Variants in PPP1R13B observed in about 807,000 individuals in gnomAD.
PPP1R13B encodes the protein protein phosphatase 1 regulatory subunit 13B.
PPP1R13B carries 44 observed loss-of-function variants against 119.8 expected under a neutral mutation model. The ratio of observed to expected loss-of-function variants is 0.37; its 90% CI spans 0.29 to 0.47. The LOEUF (loss-of-function observed/expected upper bound fraction) is 0.47, where lower values mean the gene tolerates loss of function less well. PPP1R13B is among the 20% of genes least tolerant of loss of function. The pLI is 0.99. For synonymous variants in PPP1R13B, 542 were observed against 561.5 expected (o/e 0.97, Z 0.49); for missense variants, 1,227 against 1,413.5 (o/e 0.87, Z 2.12).
In PPP1R13B at chr14:103,735,209, G is replaced by A. The variant is rs748662115; in HGVS notation, c.3232-14C>T. 9.4e-5 allele frequency: 152 copies of A among 1,613,784 alleles called. No homozygotes were observed. Among genetic ancestry groups the A allele is most frequent in the Non-Finnish European group, 1.2e-4 (146 of 1,180,006 alleles). ...CCGTGGATACAGCTGGGAAGCAACG[G>A]AGCCGCGTCAGGACAGGAAGCCACA... is the stretch of plus-strand genomic sequence containing the variant. On this transcript the variant is annotated splice_polypyrimidine_tract_variant and intron_variant, in intron 16 of 16. Transcript: ENST00000202556.
intron 1 of PPP1R13B, among the ~76,000 whole-genome samples, chr14:103,819,537 A>G (rs1013943911): frequency 1.3e-4 from 20 of 152,168 alleles, no homozygotes; most frequent in African/African-American, 4.8e-4. Flanking sequence ...AACAACAAAA[A>G]GAAATGAAAC....
At chr14:103,812,314 T>C (rs1288797285) in intron 1 of PPP1R13B, among the ~76,000 whole-genome samples, 1 of 151,598 alleles carries the variant, frequency 6.6e-6, no homozygotes, top group Non-Finnish European at 1.5e-5. Context: ...TTAGTAGAGA[T>C]GGGGTTTCAC....
chr14:103,816,192 C>T (rs2086275709), intron 1 of PPP1R13B, among the ~76,000 whole-genome samples: 1 of 150,010 alleles, frequency 6.7e-6, no homozygotes, highest in Non-Finnish European at 1.5e-5. Context: ...ACAAGAGTCT[C>T]ACTCTGTTGC....
At position 103,740,166 on chromosome 14, in the gene PPP1R13B, G is replaced by T; in HGVS notation, c.2250C>A (p.Asp750Glu). Reference sequence around the variant, plus strand: ...CCACATCGGCCAAGGTGCCCATGAAGTCCTGGGAGGGGCTGGGCTGGTAGA... The same window carrying T: ...CCACATCGGCCAAGGTGCCCATGAATTCCTGGGAGGGGCTGGGCTGGTAGA... ...TPFYQPSPSQ[D>E]FMGTLADVDN... Residue 750 changes from aspartate to glutamate, a missense_variant, in exon 12 of 17, where the codon GAC becomes GAA. Transcript: ENST00000202556. The surrounding 1 kb of genome is among the most constrained non-coding windows in gnomAD (Gnocchi z 4.6). 1 of 1,613,750 alleles carries T rather than the reference G, an allele frequency of 6.2e-7. No individual in the cohort carries two copies. Among genetic ancestry groups the T allele is most frequent in the South Asian group, 1.1e-5 (1 of 91,086 alleles).
chr14:103,835,234 T>C (rs895890436), intron 1 of PPP1R13B, among the ~76,000 whole-genome samples: 4 of 152,100 alleles, frequency 2.6e-5, no homozygotes, highest in African/African-American at 9.7e-5. Context: ...GCGATCCTCC[T>C]ACCTTGGCCT....
chr14:103,773,360 G>A (rs876002), intron 4 of PPP1R13B, among the ~76,000 whole-genome samples: 67,752 of 152,024 alleles, frequency 0.45, 15,600 homozygotes, highest in African/African-American at 0.56. Flanking sequence ...ATGTTCCAGA[G>A]CTGTTGACAG....
At chr14:103,778,928 C>A in intron 3 of PPP1R13B, 107 bp from the exon 4 acceptor site, 1 of 856,412 alleles carries the variant, frequency 1.2e-6, no homozygotes, top group Non-Finnish European at 1.9e-6. Flanking sequence ...GTGTAAAATA[C>A]CAGGCTGAGA....
rs138781841 is a variant in PPP1R13B, at chr14:103,759,573, T to G, written c.355-1822A>C. On this transcript the variant is annotated intron_variant, in intron 4 of 16. Transcript: ENST00000202556. ...CTCCCACCTAGGCCTCCCAAAGCGC[T>G]GGGATTACAGGTGTAAGCCACTGTG... Among the ~76,000 whole-genome samples the G allele has an allele frequency of 2.5e-3, 374 of 152,202 alleles. 3 individuals carry two copies. Among genetic ancestry groups the G allele is most frequent in the African/African-American group, 7.7e-3 (318 of 41,528 alleles).
Position 103,789,865 on chromosome 14 carries a change from G to C in PPP1R13B, c.158-4951C>G, listed in dbSNP as rs2085572933. 2.0e-5 allele frequency among the ~76,000 whole-genome samples: 3 copies of C among 152,018 alleles called. No homozygotes were observed. In the South Asian group the frequency reaches 6.2e-4, roughly 32 times the overall value. ...TGTCTTCCTGCTTTATATTGTATTA[G>C]TGTTTATGTCTTAACAAACATGTCT... On this transcript the variant is annotated intron_variant, in intron 2 of 16. Coordinates refer to ENST00000202556, the MANE Select transcript of PPP1R13B (RefSeq NM_015316.3).
Position 103,835,889 on chromosome 14 carries a change from T to G in PPP1R13B, c.9+11410A>C, listed in dbSNP as rs574213643. ...CTCCCAAAGTGCGGGATTACAGGCG[T>G]GAGCCACTGTGCCTGGCCTTTAATT... On this transcript the variant is annotated intron_variant, in intron 1 of 16. Transcript: ENST00000202556. 2.8e-4 allele frequency among the ~76,000 whole-genome samples: 43 copies of G among 151,956 alleles called. 1 individual carries two copies. The South Asian group carries it at 2.9e-3, about 10-fold the overall frequency.
intron 5 of PPP1R13B, among the ~76,000 whole-genome samples, chr14:103,757,076 T>TA (rs55880286): frequency 1.3e-5 from 2 of 150,250 alleles, no homozygotes; most frequent in East Asian, 3.9e-4. Flanking sequence ...TTTTTTTTTT[T>TA]AATACAGGGT....
intron 1 of PPP1R13B, among the ~76,000 whole-genome samples, chr14:103,801,946 C>T (rs2085910291): frequency 6.6e-6 from 1 of 152,150 alleles, no homozygotes; most frequent in Admixed American, 6.5e-5. Flanking sequence ...GCTCACTAAC[C>T]TGTAAGAAGA....
chr14:103,833,287 CAT>C (rs1262504005), intron 1 of PPP1R13B, among the ~76,000 whole-genome samples: 1 of 152,160 alleles, frequency 6.6e-6, no homozygotes, highest in Non-Finnish European at 1.5e-5. Context: ...CCTTTGGCCT[CAT>C]ATCCTAGGCA....
intron 1 of PPP1R13B, among the ~76,000 whole-genome samples, chr14:103,822,742 G>A (rs533479679): frequency 1.3e-5 from 2 of 152,146 alleles, no homozygotes; most frequent in East Asian, 3.9e-4. Context: ...GAACCTGGGA[G>A]GCAGAGGTTG....
At chr14:103,741,121 G>T (rs1211578857) in intron 11 of PPP1R13B, among the ~76,000 whole-genome samples, 1 of 152,220 alleles carries the variant, frequency 6.6e-6, no homozygotes, top group Non-Finnish European at 1.5e-5. Flanking sequence ...GAAGTGACTA[G>T]GCACGTCCAG....
intron 1 of PPP1R13B, among the ~76,000 whole-genome samples, chr14:103,823,337 T>C (rs2086457151): frequency 1.4e-5 from 2 of 144,798 alleles, no homozygotes; most frequent in Non-Finnish European, 3.0e-5. Context: ...AGACTCTGTC[T>C]CAAAAAAAAG....
At position 103,742,818 on chromosome 14, in the gene PPP1R13B, C is replaced by T. The variant is rs753745606; in HGVS notation, c.1156G>A (p.Asp386Asn). 6.2e-7 allele frequency: 1 copy of T among 1,614,006 alleles called. No individual in the cohort carries two copies. The highest frequency in any genetic ancestry group is 1.1e-5 in the South Asian group (1 of 91,066). The part of the protein sequence containing the change: ...AAHGRSKSAN[D>N]GNWPTLKQNS... ...TGTTTTAATGTTGGCCAGTTTCCAT[C>T]ATTAGCTTGAAAAGAACACAGAACT... The change falls in exon 10 of 17, where the codon GAT (aspartate) becomes AAT (asparagine). Residue 386 changes from aspartate (D) to asparagine (N), a missense_variant. By Grantham distance (23) the Asp-to-Asn change is conservative. Coordinates refer to ENST00000202556, the MANE Select transcript of PPP1R13B (RefSeq NM_015316.3). The surrounding 1 kb of genome is among the most constrained non-coding windows in gnomAD (Gnocchi z 4.9).
Position 103,825,848 on chromosome 14 carries a change from T to TC in PPP1R13B, c.9+21450_9+21451insG, listed in dbSNP as rs200554645. On this transcript the variant is annotated intron_variant, in intron 1 of 16. Transcript: ENST00000202556. ...TGTAGACAGTGATTTTTTCTTTTCT[T>TC]TTTTTTTTTTTTTTGAGAGAGAGTC... Among the ~76,000 whole-genome samples the TC allele has an allele frequency of 5.8e-4, 18 of 30,914 alleles. No individual in the cohort carries two copies. The African/African-American group carries it at 7.1e-3, about 12-fold the overall frequency. 20.3% of individuals were successfully genotyped at this position (30,914 alleles called of 152,430 possible).
At chr14:103,791,860 G>C (rs774831631) in intron 2 of PPP1R13B, among the ~76,000 whole-genome samples, 19 of 152,126 alleles carry the variant, frequency 1.2e-4, no homozygotes, top group Admixed American at 9.8e-4. Flanking sequence ...TTTTCTAACT[G>C]CAAGGCCTAT....
Sources: allele counts gnomAD v4.1 joint callset (sites outside exome capture counted in the v4.1 genomes callset), GRCh38; gene constraint gnomAD v4.1.1; non-coding constraint Gnocchi (gnomAD v3.1); transcripts MANE v1.5; gene names NCBI Gene and HGNC (gene_info 2026-07-23, HGNC 2026-07-21).